CIB1: variants seen among roughly 807,000 people sequenced by gnomAD.
The protein encoded by CIB1 is calcium and integrin-binding protein 1.
Under a neutral mutation model 25.0 loss-of-function variants are expected in CIB1, and 19 were observed. The observed-to-expected ratio is 0.76, with a 90% CI of 0.53 to 1.12. CIB1 has a LOEUF of 1.12. Ranked by LOEUF, CIB1 falls within the 50% of genes most tolerant of loss-of-function variation. The pLI is 0.00. For missense variants in CIB1, 236 were observed against 242.6 expected, an observed-to-expected ratio of 0.97 and a Z score of 0.18; for synonymous variants, 104 against 98.5, an observed-to-expected ratio of 1.06 and a Z score of -0.33.
At chr15:90,264,593 G>A in the CIB1 span, 1 of 1,087,086 alleles carries the variant, frequency 9.2e-7, no homozygotes, top group Non-Finnish European at 1.3e-6. Context: ...ATACAGTGTG[G>A]GAAAGACAGT....
At chr15:90,256,547 TTCTTTCTTTCTTTC>T in the CIB1 span, among the ~76,000 whole-genome samples, 1 of 23,526 alleles carries the variant, frequency 4.3e-5, no homozygotes, top group Admixed American at 5.0e-4. Flanking sequence ...TCCTTCCTTT[TTCTTTCTTTCTTTC>T]TTTCTTTCTT....
At chr15:90,231,538 C>T (rs757809091) in intron 3 of CIB1, 31 bp from the exon 4 acceptor site, 1 of 1,608,214 alleles carries the variant, frequency 6.2e-7, no homozygotes, top group Non-Finnish European at 8.5e-7. Context: ...GGACGTGGCC[C>T]AGGTCACACG....
chr15:90,241,352 G>A, the CIB1 span: 1 of 1,614,204 alleles, frequency 6.2e-7, no homozygotes, highest in Non-Finnish European at 8.5e-7. Context: ...CTGGGACTCT[G>A]CTGCAAGAAG....
At chr15:90,264,799 G>A in the CIB1 span, 1 of 1,536,108 alleles carries the variant, frequency 6.5e-7, no homozygotes. Context: ...CCCCAAAGCA[G>A]GGCTATTTTC....
At chr15:90,265,689 T>C in the CIB1 span, 11 of 1,612,760 alleles carry the variant, frequency 6.8e-6, no homozygotes, top group Non-Finnish European at 9.3e-6. Context: ...CGTAGCCGAC[T>C]GCTGAAGGCT....
chr15:90,263,047 C>A, the CIB1 span: 3 of 1,536,092 alleles, frequency 2.0e-6, no homozygotes, highest in Non-Finnish European at 2.6e-6. Flanking sequence ...GGCCCTGCTA[C>A]AAAGGGAGAC....
At chr15:90,252,101 G>A in the CIB1 span, among the ~76,000 whole-genome samples, 3 of 148,162 alleles carry the variant, frequency 2.0e-5, no homozygotes, top group South Asian at 2.2e-4. Flanking sequence ...ATGCAATGGC[G>A]TGATCTCGAC....
chr15:90,246,129 C>T, the CIB1 span, among the ~76,000 whole-genome samples: 437 of 152,120 alleles, frequency 2.9e-3, 3 homozygotes, highest in African/African-American at 9.7e-3. Context: ...AAAAATTAAC[C>T]GGGCATGGTG....
At chr15:90,265,539 A>G in the CIB1 span, 1 of 1,391,316 alleles carries the variant, frequency 7.2e-7, no homozygotes. Flanking sequence ...CCACAGTTAC[A>G]GGCAGAAAGG....
the CIB1 span, chr15:90,265,152 G>T: frequency 8.0e-7 from 1 of 1,244,370 alleles, no homozygotes. Flanking sequence ...GATTAATTGG[G>T]GATCGGTAAA....
chr15:90,265,485 G>A, the CIB1 span: 1 of 1,400,514 alleles, frequency 7.1e-7, no homozygotes, highest in Non-Finnish European at 9.2e-7. Context: ...TTCCAGGAGC[G>A]TCCTGTACCT....
chr15:90,243,980 G>A, the CIB1 span: 1 of 149,210 alleles, frequency 6.7e-6, no homozygotes, highest in African/African-American at 2.5e-5. Context: ...GTTTCACTCT[G>A]TTGCCCAGGC....
chr15:90,252,043 C>CTTTTTTTTTTT, the CIB1 span, among the ~76,000 whole-genome samples: 26,191 of 129,478 alleles, frequency 0.2, 3,228 homozygotes, highest in East Asian at 0.59. Flanking sequence ...TCACCTAATT[C>CTTTTTTTTTTT]TTTTTTTTTT....
the CIB1 span, chr15:90,242,678 T>A: frequency 6.6e-6 from 1 of 151,702 alleles, no homozygotes; most frequent in African/African-American, 2.4e-5. Context: ...AACTCCTGAC[T>A]TTAGGTGATC....
chr15:90,262,455 C>T, the CIB1 span: 7 of 1,443,274 alleles, frequency 4.9e-6, no homozygotes, highest in Non-Finnish European at 5.4e-6. Context: ...TCCCCAACAC[C>T]ATTTCTCTAC....
intron 6 of CIB1, 146 bp downstream of exon 6, chr15:90,230,788 G>A (rs977010477): frequency 5.1e-6 from 4 of 790,562 alleles, no homozygotes; most frequent in Non-Finnish European, 8.6e-6. Context: ...CCTGCCCGGG[G>A]CGAGACTGCC....
chr15:90,265,710 G>A, the CIB1 span: 11 of 1,613,210 alleles, frequency 6.8e-6, no homozygotes, highest in Non-Finnish European at 8.5e-6. Flanking sequence ...GGTTTGCGTC[G>A]ACATGGCGGT....
the CIB1 span, chr15:90,241,117 G>C: frequency 1.8e-5 from 29 of 1,614,140 alleles, no homozygotes; most frequent in Non-Finnish European, 2.5e-5. Context: ...TGGAAGCAGC[G>C]GGTGGAGCTG....
chr15:90,257,599 GCAGA>G, the CIB1 span: 1 of 1,593,700 alleles, frequency 6.3e-7, no homozygotes, highest in South Asian at 1.1e-5. Flanking sequence ...ACGGCCGCAT[GCAGA>G]CAGTCTGAGA....
Sources: allele counts gnomAD v4.1 joint callset (sites outside exome capture counted in the v4.1 genomes callset), GRCh38; gene constraint gnomAD v4.1.1; transcripts MANE v1.5; gene names NCBI Gene and HGNC (gene_info 2026-07-23, HGNC 2026-07-21).